The following CDKN2C variants were observed in gnomAD, a reference collection of about 807,000 sequenced individuals.
CDKN2C encodes cyclin-dependent kinase 4 inhibitor C.
In CDKN2C, 5 loss-of-function variants were observed where a neutral mutation model predicts 11.0. The ratio of observed to expected loss-of-function variants is 0.45; its 90% CI spans 0.24 to 0.95. The LOEUF (loss-of-function observed/expected upper bound fraction) is 0.95, where lower values mean the gene tolerates loss of function less well. CDKN2C is among the 40% of genes least tolerant of loss of function. CDKN2C has a pLI of 0.21. For synonymous variants in CDKN2C, 79 were observed against 88.3 expected (o/e 0.89, Z 0.59); for missense variants, 161 against 211.9 (o/e 0.76, Z 1.49).
intron 1 of CDKN2C, among the ~76,000 whole-genome samples, chr1:50,965,085 G>GATAGATAA (rs1645341660): frequency 6.6e-6 from 1 of 151,936 alleles, no homozygotes; most frequent in Non-Finnish European, 1.5e-5. Context: ...TAGATAGATA[G>GATAGATAA]ATAGATAGAT....
intron 1 of CDKN2C, among the ~76,000 whole-genome samples, chr1:50,961,812 G>A (rs1259492537): frequency 2.6e-5 from 4 of 152,204 alleles, no homozygotes; most frequent in African/African-American, 9.7e-5. Context: ...GATTACAGGT[G>A]TGAGCCATAC....
At chr1:50,968,460 G>C (rs941004932), upstream of CDKN2C, 1 of 152,394 alleles carries the variant, frequency 6.6e-6, no homozygotes, top group Non-Finnish European at 1.5e-5. Context: ...CCCGCCAGCA[G>C]AAGGGCAGGC....
chr1:50,970,986 C>A (rs953683541), intron 1 of CDKN2C, among the ~76,000 whole-genome samples: 1 of 152,254 alleles, frequency 6.6e-6, no homozygotes, highest in Admixed American at 6.5e-5. Context: ...GACCTTTCCT[C>A]GTTTGGAATG....
chr1:50,965,430 G>A (rs570565435), upstream of CDKN2C, among the ~76,000 whole-genome samples: 2 of 152,078 alleles, frequency 1.3e-5, no homozygotes, highest in Admixed American at 1.3e-4. Context: ...TTTGGAGGTG[G>A]AGGTTGCAGT....
chr1:50,973,910 T>A lies in CDKN2C; in HGVS notation c.147T>A (p.Asn49Lys), dbSNP rs776686795. The A allele has an allele frequency of 2.5e-6, 4 of 1,614,098 alleles. No homozygotes were observed. In the African/African-American group the frequency reaches 4.0e-5, roughly 16 times the overall value. ...RTALQVMKLG[N>K]PEIARRLLLR... is the part of the protein sequence containing the mutation. The stretch of plus-strand genomic sequence containing the variant: ...TTTTCCAGGTTATGAAACTTGGAAA[T>A]CCCGAGATTGCCAGGAGACTGCTAC... Residue 49 changes from asparagine to lysine, a missense_variant, in exon 2 of 2, where the codon AAT becomes AAA. By Grantham distance (94) the Asn-to-Lys change is moderately conservative. Coordinates refer to ENST00000371761, the MANE Select transcript of CDKN2C (RefSeq NM_078626.3).
At chr1:50,965,222 G>A (rs945849613) in intron 1 of CDKN2C, among the ~76,000 whole-genome samples, 1 of 151,856 alleles carries the variant, frequency 6.6e-6, no homozygotes, top group Non-Finnish European at 1.5e-5. Context: ...CTTTCAGGCC[G>A]GGTGCGGTGG....
chr1:50,970,542 T>G, intron 1 of CDKN2C, 45 bp downstream of exon 1: 1 of 1,609,538 alleles, frequency 6.2e-7, no homozygotes. Flanking sequence ...TAATGTTGCC[T>G]ACGTGACCCG....
At chr1:50,966,066 T>G (rs1450039479), upstream of CDKN2C, among the ~76,000 whole-genome samples, 1 of 151,082 alleles carries the variant, frequency 6.6e-6, no homozygotes, top group Non-Finnish European at 1.5e-5. Context: ...TTTGACTGAA[T>G]CACATTTCTA....
chr1:50,967,807 C>T (rs958219982), upstream of CDKN2C: 16 of 152,312 alleles, frequency 1.1e-4, no homozygotes, highest in African/African-American at 3.4e-4. Flanking sequence ...TCCCCAAAAT[C>T]CAAGCCACTT....
At chr1:50,966,070 A>C (rs1378784489), upstream of CDKN2C, among the ~76,000 whole-genome samples, 1 of 150,138 alleles carries the variant, frequency 6.7e-6, no homozygotes, top group Non-Finnish European at 1.5e-5. Context: ...ACTGAATCAC[A>C]TTTCTATTCT....
rs2147958464 is a variant in CDKN2C, at chr1:50,974,075, C to T, written c.312C>T (p.Asn104=). Residue 104 remains asparagine, a synonymous_variant, in exon 2 of 2, where the codon AAC becomes AAT. Transcript: ENST00000371761. ...TTAACATCGAGGATAATGAAGGGAA[C>T]CTGCCCTTGCACTTGGCTGCCAAAG... The part of the protein sequence containing the change: ...ADVNIEDNEG[N]LPLHLAAKEG... 1 of 1,614,166 alleles carries T rather than the reference C, an allele frequency of 6.2e-7. No homozygotes were observed. Among genetic ancestry groups the T allele is most frequent in the Non-Finnish European group, 8.5e-7 (1 of 1,180,032 alleles).
At chr1:50,960,765 G>A (rs1645313890) in exon 1 of CDKN2C, 1 of 152,220 alleles carries the variant, frequency 6.6e-6, no homozygotes, top group Non-Finnish European at 1.5e-5. Flanking sequence ...TAACCAGACT[G>A]CCATGGTAGA....
chr1:50,969,540 A>G (rs1245271941), upstream of CDKN2C: 1 of 151,958 alleles, frequency 6.6e-6, no homozygotes. The surrounding 1 kb of genome is among the most constrained non-coding windows in gnomAD (Gnocchi z 6.6). Flanking sequence ...CCCGGCTCCC[A>G]CGGCCTCTGA....
upstream of CDKN2C, among the ~76,000 whole-genome samples, chr1:50,966,269 C>T (rs1033326009): frequency 3.3e-5 from 5 of 152,068 alleles, no homozygotes; most frequent in Admixed American, 6.6e-5. Context: ...TCTCGAACTC[C>T]TGACCTCAGG....
At chr1:50,970,643 T>A in intron 1 of CDKN2C, 146 bp downstream of exon 1, 1 of 863,448 alleles carries the variant, frequency 1.2e-6, no homozygotes, top group Non-Finnish European at 1.9e-6. Context: ...TATCTTTAAG[T>A]GGATGCAACT....
At chr1:50,973,864 G>T in intron 1 of CDKN2C, 29 bp from the exon 2 acceptor site, 1 of 1,613,032 alleles carries the variant, frequency 6.2e-7, no homozygotes, top group Non-Finnish European at 8.5e-7. Context: ...TGCACTTGAA[G>T]GATTCTACCA....
intron 1 of CDKN2C, among the ~76,000 whole-genome samples, chr1:50,965,085 G>GATAC (rs1190646446): frequency 6.6e-6 from 1 of 151,936 alleles, no homozygotes; most frequent in Non-Finnish European, 1.5e-5. Context: ...TAGATAGATA[G>GATAC]ATAGATAGAT....
chr1:50,965,769 GA>G (rs1007453116), upstream of CDKN2C, among the ~76,000 whole-genome samples: 1 of 151,816 alleles, frequency 6.6e-6, no homozygotes, highest in Non-Finnish European at 1.5e-5. Context: ...GTACCTATAT[GA>G]AAAAAACCAC....
intron 1 of CDKN2C, among the ~76,000 whole-genome samples, chr1:50,964,934 A>ATCCCAGG (rs1197187773): frequency 6.6e-6 from 1 of 152,086 alleles, no homozygotes; most frequent in East Asian, 1.9e-4. Flanking sequence ...CGCACCTGTA[A>ATCCCAGG]TCCCAGGTAC....
Sources: allele counts gnomAD v4.1 joint callset (sites outside exome capture counted in the v4.1 genomes callset), GRCh38; gene constraint gnomAD v4.1.1; non-coding constraint Gnocchi (gnomAD v3.1); transcripts MANE v1.5; gene names NCBI Gene and HGNC (gene_info 2026-07-23, HGNC 2026-07-21).